The following PCDHB7 variants were observed in gnomAD, a reference collection of about 807,000 sequenced individuals.
PCDHB7 encodes the protein protocadherin beta 7.
For synonymous variants in PCDHB7, 542 were observed against 463.1 expected (o/e 1.17, Z -2.19); for missense variants, 1,148 against 1,011.6 (o/e 1.13, Z -1.83).
At position 141,173,109 on chromosome 5, in the gene PCDHB7, C is replaced by G; in HGVS notation, c.274C>G (p.Arg92Gly). ...TCTACTTCTAAATGAGAAATTGGACCGAGAGGAACTGTGTGGCCCCAGAGA... is the reference window on the plus strand; with the variant it reads ...TCTACTTCTAAATGAGAAATTGGACGGAGAGGAACTGTGTGGCCCCAGAGA... ...GDLLLNEKLDREELCGPREPC... is the reference protein window; with the variant it reads ...GDLLLNEKLDGEELCGPREPC... The change falls in exon 1 of 1, where the codon CGA becomes GGA. Residue 92 changes from arginine (R) to glycine (G), a missense_variant. Coordinates refer to ENST00000231137, the MANE Select transcript of PCDHB7 (RefSeq NM_018940.4). 1 of 1,614,098 alleles carries G rather than the reference C, an allele frequency of 6.2e-7. No homozygotes were observed. Among genetic ancestry groups the G allele is most frequent in the Non-Finnish European group, 8.5e-7 (1 of 1,180,028 alleles).
Position 141,173,349 on chromosome 5 carries a change from A to G in PCDHB7, c.514A>G (p.Ile172Val). The G allele has an allele frequency of 1.2e-6, 2 of 1,613,904 alleles. No individual in the cohort carries two copies. The highest frequency in any genetic ancestry group is 1.7e-6 in the Non-Finnish European group (2 of 1,179,844). Residue 172 changes from isoleucine to valine, a missense_variant, in exon 1 of 1, where the codon ATC (isoleucine) becomes GTC (valine). Transcript: ENST00000231137. ...AACCAACAGCCTGAGTAACTACACC[A>G]TCAGCCCCAATGCCTATTTCCATAT... The part of the protein sequence containing the change: ...VGTNSLSNYT[I>V]SPNAYFHINV...
rs1195859347 is a variant in PCDHB7, at chr5:141,174,546, C to T, written c.1711C>T (p.Pro571Ser). The change falls in exon 1 of 1, where the codon CCC (proline) becomes TCC (serine). Residue 571 changes from proline (P) to serine (S), a missense_variant. Transcript: ENST00000231137. The stretch of plus-strand genomic sequence containing the variant: ...GTACCCGCTGCAGAACAGCTCCGCG[C>T]CCTGCACCGAGCCGTTGCCCCGGGC... ...VLYPLQNSSA[P>S]CTEPLPRAAE... 1 of 1,610,062 alleles carries T rather than the reference C, an allele frequency of 6.2e-7. No homozygotes were observed. The highest frequency in any genetic ancestry group is 8.5e-7 in the Non-Finnish European group (1 of 1,179,632).
Position 141,173,780 on chromosome 5 carries a change from C to T in PCDHB7, c.945C>T (p.Tyr315=). The change falls in exon 1 of 1, where the codon TAC becomes TAT. Residue 315 remains tyrosine (Y), a synonymous_variant. Transcript: ENST00000231137. Reference sequence around the variant, plus strand: ...TGGACTATGAGGCAATTCAAACTTACACATTAACTATTCAGGCCAAAGACG... The same window carrying T: ...TGGACTATGAGGCAATTCAAACTTATACATTAACTATTCAGGCCAAAGACG... The part of the protein sequence containing the change: ...AQLDYEAIQT[Y]TLTIQAKDGG... The T allele has an allele frequency of 6.2e-7, 1 of 1,614,152 alleles. No homozygotes were observed. The highest frequency in any genetic ancestry group is 8.5e-7 in the Non-Finnish European group (1 of 1,180,016).
At position 141,173,490 on chromosome 5, in the gene PCDHB7, T is replaced by C; in HGVS notation, c.655T>C (p.Ser219Pro). 6.2e-7 allele frequency: 1 copy of C among 1,613,990 alleles called. No individual in the cohort carries two copies. The highest frequency in any genetic ancestry group is 8.5e-7 in the Non-Finnish European group (1 of 1,179,986). Residue 219 changes from serine (S) to proline (P), a missense_variant, in exon 1 of 1, where the codon TCT (serine) becomes CCT (proline). Coordinates refer to ENST00000231137, the MANE Select transcript of PCDHB7 (RefSeq NM_018940.4). ...AACCCTCACCGCTTTAGACGGCGGC[T>C]CTCCTCCAAGATCAGGGACCGCCCT... Reference protein sequence around the residue: ...SLTLTALDGGSPPRSGTALVR... With the variant: ...SLTLTALDGGPPPRSGTALVR...
At position 141,174,389 on chromosome 5, in the gene PCDHB7, C is replaced by G. The variant is rs17844460; in HGVS notation, c.1554C>G (p.Ser518=). Residue 518 remains serine, a synonymous_variant, in exon 1 of 1, where the codon TCC becomes TCG. Transcript: ENST00000231137. The part of the protein sequence containing the change: ...ADNGHLFALR[S]LDYEALQAFE... Reference sequence around the variant, plus strand: ...ACGGCCACCTGTTTGCCCTCAGGTCCCTGGACTACGAGGCCCTGCAGGCGT... The same window carrying G: ...ACGGCCACCTGTTTGCCCTCAGGTCGCTGGACTACGAGGCCCTGCAGGCGT... The G allele has an allele frequency of 1.1e-3, 1,715 of 1,612,484 alleles. 15 individuals are homozygous for G. In the African/African-American group the frequency reaches 0.018, roughly 17 times the overall value.
Position 141,176,007 on chromosome 5 carries a change from C to T in PCDHB7, c.*790C>T, listed in dbSNP as rs1753373074. 3 of 167,210 alleles carry T rather than the reference C, an allele frequency of 1.8e-5. 1 individual carries two copies. In the South Asian group the frequency reaches 6.2e-4, roughly 35 times the overall value. The allele number at this position is 167,210 out of a possible 1,614,324, so 10.4% of individuals were successfully genotyped here. On this transcript the variant is annotated 3_prime_UTR_variant, in exon 1 of 1. Coordinates refer to ENST00000231137, the MANE Select transcript of PCDHB7 (RefSeq NM_018940.4). ...CAACTATTATTACTAATGCTCTGAT[C>T]TGTCCAAACTCAAGCGGAAAACAAA...
In PCDHB7 at chr5:141,175,482, A is replaced by C; in HGVS notation, c.*265A>C. On this transcript the variant is annotated 3_prime_UTR_variant, in exon 1 of 1. Coordinates refer to ENST00000231137, the MANE Select transcript of PCDHB7 (RefSeq NM_018940.4). ...GTAAGTCTTGTTTGAGATATTTTAAATTGCTTTCCATTGTTTTCAATCTCT... is the reference window on the plus strand; with the variant it reads ...GTAAGTCTTGTTTGAGATATTTTAACTTGCTTTCCATTGTTTTCAATCTCT... 1 of 482,772 alleles carries C rather than the reference A, an allele frequency of 2.1e-6. No homozygotes were observed. The highest frequency in any genetic ancestry group is 3.5e-6 in the Non-Finnish European group (1 of 282,628). 29.9% of individuals were successfully genotyped at this position (482,772 alleles called of 1,614,324 possible).
Position 141,173,708 on chromosome 5 carries a change from G to C in PCDHB7, c.873G>C (p.Thr291=). Residue 291 remains threonine (T), a synonymous_variant, in exon 1 of 1, where the codon ACG becomes ACC. Transcript: ENST00000231137. ...FSYATERILK[T]FQINPTSGSL... ...ACGCCACTGAAAGAATTCTCAAAAC[G>C]TTTCAAATCAATCCAACATCTGGCA... is the stretch of plus-strand genomic sequence containing the variant. The C allele has an allele frequency of 6.2e-7, 1 of 1,614,014 alleles. No homozygotes were observed. The highest frequency in any genetic ancestry group is 1.7e-5 in the Admixed American group (1 of 60,012).
In PCDHB7 at chr5:141,174,027, G is replaced by A. The variant is rs267600426; in HGVS notation, c.1192G>A (p.Glu398Lys). The change falls in exon 1 of 1, where the codon GAA becomes AAA. Residue 398 changes from glutamate to lysine, a missense_variant. Glu to Lys is a moderately conservative substitution (Grantham distance 56, BLOSUM62 1). Coordinates refer to ENST00000231137, the MANE Select transcript of PCDHB7 (RefSeq NM_018940.4). ...CCCCTTCATCCTGAAGCCATCTGTC[G>A]AAAACTTCTATACTCTGGTAACAGA... ...DVPFILKPSV[E>K]NFYTLVTEKP... The A allele has an allele frequency of 1.9e-6, 3 of 1,614,032 alleles. No homozygotes were observed. The highest frequency in any genetic ancestry group is 2.5e-6 in the Non-Finnish European group (3 of 1,180,028).
rs146104094 is a variant in PCDHB7 at position 141,174,591 on chromosome 5, G to A, written c.1756G>A (p.Val586Met). Residue 586 changes from valine (V) to methionine (M), a missense_variant, in exon 1 of 1, where the codon GTG becomes ATG. Physicochemically the swap from Val to Met is conservative, Grantham distance 21 (BLOSUM62 1). Coordinates refer to ENST00000231137, the MANE Select transcript of PCDHB7 (RefSeq NM_018940.4). ...CCGGGCGGCCGAGCCGGGCTACCTG[G>A]TGACCAAGGTGGTGGCGGTGGACGG... is the stretch of plus-strand genomic sequence containing the variant. ...LPRAAEPGYLVTKVVAVDGDS... is the reference protein window; with the variant it reads ...LPRAAEPGYLMTKVVAVDGDS... 36 of 1,610,394 alleles carry A rather than the reference G, an allele frequency of 2.2e-5. No individual in the cohort carries two copies. Among genetic ancestry groups the A allele is most frequent in the Non-Finnish European group, 3.0e-5 (35 of 1,179,634 alleles).
At position 141,175,467 on chromosome 5, in the gene PCDHB7, T is replaced by C. The variant is rs1323168072; in HGVS notation, c.*250T>C. 15 of 517,544 alleles carry C rather than the reference T, an allele frequency of 2.9e-5. No homozygotes were observed. The Admixed American group carries it at 4.6e-4, about 16-fold the overall frequency. 32.1% of individuals were successfully genotyped at this position (517,544 alleles called of 1,614,324 possible). On this transcript the variant is annotated 3_prime_UTR_variant, in exon 1 of 1. Coordinates refer to ENST00000231137, the MANE Select transcript of PCDHB7 (RefSeq NM_018940.4). ...TACAGTCTATTAAATGTAAGTCTTG[T>C]TTGAGATATTTTAAATTGCTTTCCA...
At position 141,175,665 on chromosome 5, in the gene PCDHB7, G is replaced by C. The variant is rs1554280553; in HGVS notation, c.*448G>C. On this transcript the variant is annotated 3_prime_UTR_variant, in exon 1 of 1. Coordinates refer to ENST00000231137, the MANE Select transcript of PCDHB7 (RefSeq NM_018940.4). The stretch of plus-strand genomic sequence containing the variant: ...TTTAATCTGAGAAGAAGCATATGAG[G>C]CATGGTATTTTAGGAATGAACAAAT... 5.4e-6 allele frequency: 1 copy of C among 183,672 alleles called. No individual in the cohort carries two copies. Among genetic ancestry groups the C allele is most frequent in the Non-Finnish European group, 1.3e-5 (1 of 79,650 alleles). The allele number at this position is 183,672 out of a possible 1,614,324, so 11.4% of individuals were successfully genotyped here.
rs1563915588 is a variant in PCDHB7 at position 141,173,731 on chromosome 5, G to C, written c.896G>C (p.Gly299Ala). 1.2e-6 allele frequency: 2 copies of C among 1,613,758 alleles called. No individual in the cohort carries two copies. The highest frequency in any genetic ancestry group is 1.7e-6 in the Non-Finnish European group (2 of 1,179,732). The change falls in exon 1 of 1, where the codon GGC (glycine) becomes GCC (alanine). Residue 299 changes from glycine (G) to alanine (A), a missense_variant. Physicochemically the swap from Gly to Ala is moderately conservative, Grantham distance 60. Transcript: ENST00000231137. Reference protein sequence around the residue: ...LKTFQINPTSGSLHLKAQLDY... With the variant: ...LKTFQINPTSASLHLKAQLDY... ...ACGTTTCAAATCAATCCAACATCTG[G>C]CAGTCTTCATCTTAAAGCGCAATTG...
Position 141,172,993 on chromosome 5 carries a change from G to A in PCDHB7, c.158G>A (p.Gly53Glu), listed in dbSNP as rs1753250566. 1 of 1,613,948 alleles carries A rather than the reference G, an allele frequency of 6.2e-7. No individual in the cohort carries two copies. Among genetic ancestry groups the A allele is most frequent in the African/African-American group, 1.3e-5 (1 of 74,922 alleles). Residue 53 changes from glycine to glutamate, a missense_variant, in exon 1 of 1, where the codon GGG becomes GAG. Physicochemically the swap from Gly to Glu is moderately conservative, Grantham distance 98 (BLOSUM62 -2). Coordinates refer to ENST00000231137, the MANE Select transcript of PCDHB7 (RefSeq NM_018940.4). ...CTTACCAACTTGGCAAAAGACCTAGGGTTAGGGGTAGGGGAACTGAGAGCC... is the reference window on the plus strand; with the variant it reads ...CTTACCAACTTGGCAAAAGACCTAGAGTTAGGGGTAGGGGAACTGAGAGCC... Reference protein sequence around the residue: ...TFLTNLAKDLGLGVGELRARG... With the variant: ...TFLTNLAKDLELGVGELRARG...
Position 141,173,325 on chromosome 5 carries a change from A to G in PCDHB7, c.490A>G (p.Thr164Ala), listed in dbSNP as rs782700023. ...GAGTGCACAGGATTCAGATGTTGGA[A>G]CCAACAGCCTGAGTAACTACACCAT... ...LESAQDSDVG[T>A]NSLSNYTISP... Residue 164 changes from threonine (T) to alanine (A), a missense_variant, in exon 1 of 1, where the codon ACC becomes GCC. Physicochemically the swap from Thr to Ala is moderately conservative, Grantham distance 58. Transcript: ENST00000231137. The G allele has an allele frequency of 8.7e-6, 14 of 1,613,892 alleles. No individual in the cohort carries two copies. The highest frequency in any genetic ancestry group is 3.3e-4 in the Middle Eastern group (2 of 6,084).
chr5:141,174,128 G>A lies in PCDHB7; in HGVS notation c.1293G>A (p.Leu431=). ...ITVTDLGTPR[L]KTEHNITVLV... Reference sequence around the variant, plus strand: ...TCACCGACTTGGGGACACCCAGGCTGAAAACCGAGCACAACATAACCGTGC... The same window carrying A: ...TCACCGACTTGGGGACACCCAGGCTAAAAACCGAGCACAACATAACCGTGC... Residue 431 remains leucine (L), a synonymous_variant, in exon 1 of 1, where the codon CTG becomes CTA. Coordinates refer to ENST00000231137, the MANE Select transcript of PCDHB7 (RefSeq NM_018940.4). The A allele has an allele frequency of 6.2e-7, 1 of 1,614,086 alleles. No individual in the cohort carries two copies. The highest frequency in any genetic ancestry group is 8.5e-7 in the Non-Finnish European group (1 of 1,180,044).
rs369017861 is a variant in PCDHB7 at position 141,175,111 on chromosome 5, C to G, written c.2276C>G (p.Thr759Arg). 1 of 1,614,122 alleles carries G rather than the reference C, an allele frequency of 6.2e-7. No homozygotes were observed. Among genetic ancestry groups the G allele is most frequent in the Non-Finnish European group, 8.5e-7 (1 of 1,180,058 alleles). The change falls in exon 1 of 1, where the codon ACA becomes AGA. Residue 759 changes from threonine to arginine, a missense_variant. Transcript: ENST00000231137. ...GTGTGCCTGACTGGAGGCTCCGGGA[C>G]AAATGAGTTCAAGTTTCTGAAACCA... is the stretch of plus-strand genomic sequence containing the variant. ...YEVCLTGGSG[T>R]NEFKFLKPII...
Position 141,174,171 on chromosome 5 carries a change from G to A in PCDHB7, c.1336G>A (p.Asp446Asn). 2 of 1,613,746 alleles carry A rather than the reference G, an allele frequency of 1.2e-6. No homozygotes were observed. The highest frequency in any genetic ancestry group is 8.5e-7 in the Non-Finnish European group (1 of 1,180,038). The change falls in exon 1 of 1, where the codon GAC becomes AAC. Residue 446 changes from aspartate (D) to asparagine (N), a missense_variant. Coordinates refer to ENST00000231137, the MANE Select transcript of PCDHB7 (RefSeq NM_018940.4). ...NITVLVSDVN[D>N]NAPAFTQTSY... ...AACCGTGCTGGTCTCCGACGTCAAT[G>A]ACAACGCTCCCGCCTTCACCCAAAC... is the stretch of plus-strand genomic sequence containing the variant.
chr5:141,174,753 C>T lies in PCDHB7; in HGVS notation c.1918C>T (p.Leu640=), dbSNP rs782585741. The change falls in exon 1 of 1, where the codon CTG becomes TTG. Residue 640 remains leucine (L), a synonymous_variant. Transcript: ENST00000231137. ...CGAGCGCGACGCAGCCAAGCAGAGG[C>T]TGGTGGTGCTGGTCAAGGACAATGG... The part of the protein sequence containing the change: ...LSERDAAKQR[L]VVLVKDNGEP... 1 of 1,611,284 alleles carries T rather than the reference C, an allele frequency of 6.2e-7. No homozygotes were observed. The highest frequency in any genetic ancestry group is 2.2e-5 in the East Asian group (1 of 44,870).
Sources: allele counts gnomAD v4.1 joint callset, GRCh38; gene constraint gnomAD v4.1.1; transcripts MANE v1.5; gene names NCBI Gene and HGNC (gene_info 2026-07-23, HGNC 2026-07-21).